ILDR1: variants seen among roughly 807,000 people sequenced by gnomAD.
ILDR1 encodes the protein immunoglobulin like domain containing receptor 1.
Under a neutral mutation model 62.4 loss-of-function variants are expected in ILDR1, and 56 were observed. The observed-to-expected ratio is 0.90, with a 90% CI of 0.72 to 1.12. The LOEUF (loss-of-function observed/expected upper bound fraction) is 1.12. Among genes scored for constraint, ILDR1 ranks in the 50% most tolerant of loss-of-function variants. The probability of loss-of-function intolerance (pLI) is 0.00; values close to 1 mark genes in which losing one functional copy is unlikely to be tolerated. For missense variants in ILDR1, 736 were observed against 710.6 expected (o/e 1.04, Z -0.41); for synonymous variants, 284 against 277.8 (o/e 1.02, Z -0.22).
the ILDR1 span, among the ~76,000 whole-genome samples, chr3:122,048,012 G>T: frequency 6.6e-6 from 1 of 152,206 alleles, no homozygotes; most frequent in Non-Finnish European, 1.5e-5. Context: ...GATGAAGTAG[G>T]CAGACTTACC....
At chr3:121,988,652 TC>T (rs1345220372) in intron 7 of ILDR1, among the ~76,000 whole-genome samples, 1 of 152,212 alleles carries the variant, frequency 6.6e-6, no homozygotes, top group South Asian at 2.1e-4. Flanking sequence ...GAAAATTTCT[TC>T]CAGTCTAATT....
At chr3:122,051,506 T>C in the ILDR1 span, among the ~76,000 whole-genome samples, 3 of 152,084 alleles carry the variant, frequency 2.0e-5, no homozygotes, top group Admixed American at 1.3e-4. Flanking sequence ...TCTATCCTTA[T>C]TGAATTTCTC....
Position 121,988,245 on chromosome 3 carries a change from G to A in ILDR1, c.*122C>T. ...TTAAAATTCTTCTATTTGATTCTCA[G>A]AATCTAAGCCAAAAACTGTTAGACT... On this transcript the variant is annotated 3_prime_UTR_variant, in exon 8 of 8. Transcript: ENST00000344209. The A allele has an allele frequency of 1.2e-6, 1 of 827,576 alleles. No homozygotes were observed. The highest frequency in any genetic ancestry group is 2.1e-6 in the Non-Finnish European group (1 of 472,562). The allele number at this position is 827,576 out of a possible 1,614,324, so 51.3% of individuals were successfully genotyped here.
At chr3:122,029,961 A>T in the ILDR1 span, among the ~76,000 whole-genome samples, 1 of 152,102 alleles carries the variant, frequency 6.6e-6, no homozygotes, top group Non-Finnish European at 1.5e-5. Flanking sequence ...TTCAAAGGGG[A>T]GGGGAGAAGA....
At chr3:122,044,576 T>G in the ILDR1 span, among the ~76,000 whole-genome samples, 1 of 151,530 alleles carries the variant, frequency 6.6e-6, no homozygotes, top group African/African-American at 2.4e-5. Flanking sequence ...AAACTATTGA[T>G]TATTGCCACA....
intron 5 of ILDR1, among the ~76,000 whole-genome samples, chr3:121,995,181 C>G (rs1279122621): frequency 6.6e-6 from 1 of 152,164 alleles, no homozygotes; most frequent in Non-Finnish European, 1.5e-5. Flanking sequence ...TTGTGCTTTT[C>G]TATTTTGGGG....
intron 7 of ILDR1, among the ~76,000 whole-genome samples, chr3:121,992,015 AAAG>A (rs2071355523): frequency 6.6e-6 from 1 of 152,246 alleles, no homozygotes; most frequent in Non-Finnish European, 1.5e-5. Context: ...CAAATAGAGA[AAAG>A]ATCTTCATGG....
the ILDR1 span, among the ~76,000 whole-genome samples, chr3:122,051,950 G>A: frequency 6.6e-5 from 10 of 152,010 alleles, no homozygotes; most frequent in African/African-American, 2.2e-4. Flanking sequence ...TCCATCTGTT[G>A]TCTATCTTCT....
chr3:122,059,946 T>C, the ILDR1 span, among the ~76,000 whole-genome samples: 130 of 152,198 alleles, frequency 8.5e-4, no homozygotes, highest in South Asian at 2.3e-3. Flanking sequence ...GATTCTTTCC[T>C]CACAACCTTC....
At chr3:122,055,528 C>A in the ILDR1 span, 1 of 1,612,344 alleles carries the variant, frequency 6.2e-7, no homozygotes, top group African/African-American at 1.3e-5. Flanking sequence ...TTATTCTTTG[C>A]AGAGAAGTTA....
the ILDR1 span, among the ~76,000 whole-genome samples, chr3:122,040,090 G>A: frequency 9.2e-4 from 140 of 152,028 alleles, no homozygotes; most frequent in Non-Finnish European, 8.8e-4. Flanking sequence ...CCCCCAAGCT[G>A]TATATTATTT....
At position 122,022,037 on chromosome 3, in the gene ILDR1, C is replaced by A. The variant is rs1336689895; in HGVS notation, c.41G>T (p.Cys14Phe). 3 of 1,611,494 alleles carry A rather than the reference C, an allele frequency of 1.9e-6. No individual in the cohort carries two copies. The highest frequency in any genetic ancestry group is 1.3e-5 in the African/African-American group (1 of 74,906). ...AGGCTCACCTGCTGGGAGCCAGGTG[C>A]AGAGCAGCAGCCAAGGTGCGGGCAG... ...PKLPAPWLLL[C>F]TWLPAGCLSL... is the part of the protein sequence containing the mutation. Residue 14 changes from cysteine to phenylalanine, a missense_variant, in exon 1 of 8, where the codon TGC becomes TTC. Cys to Phe is a radical substitution (Grantham distance 205). Transcript: ENST00000344209.
At chr3:122,001,533 T>C in intron 4 of ILDR1, 79 bp from the exon 5 acceptor site, 1 of 1,549,324 alleles carries the variant, frequency 6.5e-7, no homozygotes, top group Non-Finnish European at 8.9e-7. Context: ...ATCCTAGAGG[T>C]CTCATAAACA....
intron 1 of ILDR1, among the ~76,000 whole-genome samples, chr3:122,016,406 C>T (rs2071777600): frequency 6.6e-6 from 1 of 152,204 alleles, no homozygotes; most frequent in African/African-American, 2.4e-5. Context: ...AGGTCTTGCA[C>T]CAAGTGCACA....
At chr3:122,028,094 A>G in the ILDR1 span, among the ~76,000 whole-genome samples, 108 of 152,074 alleles carry the variant, frequency 7.1e-4, no homozygotes, top group Non-Finnish European at 8.4e-4. Flanking sequence ...TTGGGAGGCC[A>G]AGGCGGGCAG....
At chr3:122,055,256 G>A in the ILDR1 span, 3 of 519,358 alleles carry the variant, frequency 5.8e-6, no homozygotes, top group East Asian at 9.1e-5. Flanking sequence ...ACGTCAATGA[G>A]TTTAAACTGC....
chr3:122,015,503 G>T (rs1576735042), intron 1 of ILDR1, among the ~76,000 whole-genome samples: 1 of 152,056 alleles, frequency 6.6e-6, no homozygotes, highest in African/African-American at 2.4e-5. Context: ...TGAATCTTGG[G>T]GTGGTTTCCC....
chr3:122,024,838 C>A (rs1302619814), upstream of ILDR1, among the ~76,000 whole-genome samples: 1 of 152,206 alleles, frequency 6.6e-6, no homozygotes, highest in African/African-American at 2.4e-5. Flanking sequence ...ACACTATAGA[C>A]CCTCACATAG....
intron 5 of ILDR1, among the ~76,000 whole-genome samples, chr3:121,995,341 C>T (rs1332960882): frequency 6.6e-6 from 1 of 152,180 alleles, no homozygotes; most frequent in Admixed American, 6.5e-5. Flanking sequence ...CCTTGCTTCC[C>T]TGGGCCCTGT....
Sources: allele counts gnomAD v4.1 joint callset (sites outside exome capture counted in the v4.1 genomes callset), GRCh38; gene constraint gnomAD v4.1.1; transcripts MANE v1.5; gene names NCBI Gene and HGNC (gene_info 2026-07-23, HGNC 2026-07-21).